The following KLHL8 variants were observed in gnomAD, a reference collection of about 807,000 sequenced individuals.
KLHL8 encodes the protein kelch like family member 8.
In KLHL8, 38 loss-of-function variants were observed where a neutral mutation model predicts 63.5. The observed-to-expected ratio is 0.60, with a 90% CI of 0.46 to 0.78. The LOEUF is 0.78. Ranked by LOEUF, KLHL8 falls within the 30% of genes least tolerant of loss-of-function variation. KLHL8 has a pLI of 0.00. For missense variants in KLHL8, 566 were observed against 752.4 expected, an observed-to-expected ratio of 0.75 and a Z score of 2.90; for synonymous variants, 224 against 254.3, an observed-to-expected ratio of 0.88 and a Z score of 1.13.
At chr4:87,226,298 C>T (rs1044586652) in intron 1 of KLHL8, among the ~76,000 whole-genome samples, 1 of 152,010 alleles carries the variant, frequency 6.6e-6, no homozygotes, top group African/African-American at 2.4e-5. Context: ...CGCGATGGCT[C>T]ACGCCTGTAA....
chr4:87,191,643 T>C (rs998420782), intron 2 of KLHL8, among the ~76,000 whole-genome samples: 15 of 152,012 alleles, frequency 9.9e-5, no homozygotes, highest in Admixed American at 9.8e-4. Flanking sequence ...TGTAGGTCTG[T>C]TGCATAGATA....
chr4:87,228,010 T>C (rs1008742756), intron 1 of KLHL8, among the ~76,000 whole-genome samples: 1 of 152,168 alleles, frequency 6.6e-6, no homozygotes, highest in Admixed American at 6.5e-5. Flanking sequence ...CAATCAATCA[T>C]GCCCACATAA....
chr4:87,170,017 T>G, intron 8 of KLHL8, 62 bp downstream of exon 8: 1 of 1,293,846 alleles, frequency 7.7e-7, no homozygotes. Flanking sequence ...TTTTTGTTAC[T>G]CTGTTATATG....
At chr4:87,198,725 T>C (rs559840041) in intron 1 of KLHL8, among the ~76,000 whole-genome samples, 1 of 152,356 alleles carries the variant, frequency 6.6e-6, no homozygotes, top group African/African-American at 2.4e-5. Context: ...GGAACTGTAC[T>C]GTATCTTGTC....
At chr4:87,200,818 A>G (rs1448176635) in intron 1 of KLHL8, among the ~76,000 whole-genome samples, 1 of 152,226 alleles carries the variant, frequency 6.6e-6, no homozygotes, top group Non-Finnish European at 1.5e-5. Context: ...AGAACAGGAT[A>G]GTAAAGACAT....
At chr4:87,197,629 C>T (rs1731747206) in intron 1 of KLHL8, among the ~76,000 whole-genome samples, 2 of 152,112 alleles carry the variant, frequency 1.3e-5, no homozygotes, top group South Asian at 4.1e-4. Context: ...TATTTTAAGC[C>T]ACTAAATTGT....
chr4:87,189,024 G>A (rs1286199217), intron 2 of KLHL8, among the ~76,000 whole-genome samples: 1 of 152,174 alleles, frequency 6.6e-6, no homozygotes, highest in African/African-American at 2.4e-5. Context: ...TCAAGAATTG[G>A]GCAGTCCTGG....
chr4:87,215,393 C>T lies in KLHL8; in HGVS notation c.-152+5025G>A, dbSNP rs374464282. ...TTCTCAGACTATTTTTACAAAGAAC[C>T]ACACTTCTGCTACTTTATTCTATAA... On this transcript the variant is annotated intron_variant, in intron 1 of 9. Transcript: ENST00000273963. Among the ~76,000 whole-genome samples the T allele has an allele frequency of 5.7e-4, 86 of 152,210 alleles. No individual in the cohort carries two copies. The South Asian group carries it at 0.015, about 27-fold the overall frequency.
At chr4:87,207,211 C>T (rs1273188207) in intron 1 of KLHL8, 1 of 564,558 alleles carries the variant, frequency 1.8e-6, no homozygotes. Context: ...ACCTCAACTA[C>T]ATGGTCTACA....
Position 87,185,701 on chromosome 4 carries a change from T to C in KLHL8, c.315A>G (p.Gln105=). 1 of 1,614,170 alleles carries C rather than the reference T, an allele frequency of 6.2e-7. No individual in the cohort carries two copies. The highest frequency in any genetic ancestry group is 8.5e-7 in the Non-Finnish European group (1 of 1,180,020). The change falls in exon 3 of 10, where the codon CAA becomes CAG. Residue 105 remains glutamine, a synonymous_variant. Coordinates refer to ENST00000273963, the MANE Select transcript of KLHL8 (RefSeq NM_020803.5). ...CAAAATCTCTAATCTCAATCAGCGT[T>C]TGCTTGGCTTCAGCCATTTCAGAAA... The part of the protein sequence containing the change: ...MFLSEMAEAK[Q]TLIEIRDFDG...
chr4:87,232,413 A>C (rs1268493847), intron 1 of KLHL8, among the ~76,000 whole-genome samples: 1 of 152,202 alleles, frequency 6.6e-6, no homozygotes, highest in Non-Finnish European at 1.5e-5. Context: ...TGAATATACC[A>C]TAATTTACTC....
intron 8 of KLHL8, among the ~76,000 whole-genome samples, chr4:87,164,521 A>G (rs761869957): frequency 6.6e-6 from 1 of 152,180 alleles, no homozygotes; most frequent in African/African-American, 2.4e-5. Flanking sequence ...ATCCAGATAA[A>G]AGTTAAAGTT....
chr4:87,224,303 CATCAAAAGAA>C, upstream of KLHL8, among the ~76,000 whole-genome samples: 1 of 152,082 alleles, frequency 6.6e-6, no homozygotes, highest in African/African-American at 2.4e-5. Context: ...GCTTTATAAC[CATCAAAAGAA>C]TTTCAGATGT....
At chr4:87,188,050 C>A (rs1440119266) in intron 2 of KLHL8, among the ~76,000 whole-genome samples, 1 of 152,132 alleles carries the variant, frequency 6.6e-6, no homozygotes, top group Non-Finnish European at 1.5e-5. Flanking sequence ...AAGTACAAGA[C>A]AATCATTTCT....
At chr4:87,229,111 T>C (rs1173999515) in intron 1 of KLHL8, among the ~76,000 whole-genome samples, 1 of 152,246 alleles carries the variant, frequency 6.6e-6, no homozygotes, top group African/African-American at 2.4e-5. Flanking sequence ...ACTATTAGAA[T>C]AAAATAGCCT....
intron 4 of KLHL8, among the ~76,000 whole-genome samples, chr4:87,180,643 T>G (rs1284033176): frequency 1.3e-5 from 2 of 152,208 alleles, no homozygotes; most frequent in South Asian, 4.1e-4. Flanking sequence ...TTTCACATGG[T>G]AGGCACTTAA....
chr4:87,161,957 G>A lies in KLHL8; in HGVS notation c.*1562C>T, dbSNP rs1730192258. ...CTTTTTTGGTTTGATATACTCAATAGGCACTGGCTTTTTTTTGTGATGTGG... is the reference window on the plus strand; with the variant it reads ...CTTTTTTGGTTTGATATACTCAATAAGCACTGGCTTTTTTTTGTGATGTGG... On this transcript the variant is annotated 3_prime_UTR_variant, in exon 10 of 10. Transcript: ENST00000273963. 1 of 152,002 alleles carries A rather than the reference G, an allele frequency of 6.6e-6. No individual in the cohort carries two copies. Among genetic ancestry groups the A allele is most frequent in the Non-Finnish European group, 1.5e-5 (1 of 68,022 alleles). 9.4% of individuals were successfully genotyped at this position (152,002 alleles called of 1,614,324 possible). A position where few individuals can be genotyped will look rare whatever the true frequency, so the allele number is the denominator to read the frequency against.
At chr4:87,221,659 T>C (rs1226729987), upstream of KLHL8, among the ~76,000 whole-genome samples, 1 of 151,974 alleles carries the variant, frequency 6.6e-6, no homozygotes, top group African/African-American at 2.4e-5. Flanking sequence ...CATTAGCACA[T>C]TGATTTTAAT....
At chr4:87,237,992 G>A (rs1456290774) in intron 1 of KLHL8, among the ~76,000 whole-genome samples, 4 of 152,196 alleles carry the variant, frequency 2.6e-5, no homozygotes, top group Non-Finnish European at 5.9e-5. Flanking sequence ...CTGGAGTGCA[G>A]TGGCACAATC....
Sources: allele counts gnomAD v4.1 joint callset (sites outside exome capture counted in the v4.1 genomes callset), GRCh38; gene constraint gnomAD v4.1.1; transcripts MANE v1.5; gene names NCBI Gene and HGNC (gene_info 2026-07-23, HGNC 2026-07-21).